Variants in IFRD1 observed in about 807,000 individuals in gnomAD.
The protein encoded by IFRD1 is interferon related developmental regulator 1.
A neutral mutation model predicts 52.9 loss-of-function variants in IFRD1; 35 were observed. That is an observed-to-expected ratio of 0.66 (90% CI 0.51 to 0.88). IFRD1 has a LOEUF of 0.88. IFRD1 is among the 40% of genes least tolerant of loss of function. The pLI, the probability that IFRD1 is intolerant of heterozygous loss-of-function variation, is 0.00. For synonymous variants in IFRD1, 184 were observed against 188.4 expected, an observed-to-expected ratio of 0.98 and a Z score of 0.19; for missense variants, 517 against 550.8, an observed-to-expected ratio of 0.94 and a Z score of 0.61.
chr7:112,450,940 C>G, intron 1 of IFRD1, 158 bp downstream of exon 1: 1 of 674,622 alleles, frequency 1.5e-6, no homozygotes, highest in Non-Finnish European at 2.6e-6. Flanking sequence ...CCAGCGTGCC[C>G]TGGGCGCTGC....
intron 1 of IFRD1, among the ~76,000 whole-genome samples, chr7:112,423,693 A>G (rs2708599): frequency 0.53 from 80,730 of 152,068 alleles, 24,178 homozygotes; most frequent in African/African-American, 0.82. Context: ...GATAGAGGGA[A>G]GGGAGGATGA....
intron 9 of IFRD1, among the ~76,000 whole-genome samples, chr7:112,469,998 C>T (rs992165097): frequency 1.3e-5 from 2 of 151,218 alleles, no homozygotes; most frequent in Admixed American, 6.6e-5. Flanking sequence ...CCCAGCTTCT[C>T]GGATGGGTCT....
intron 9 of IFRD1, 142 bp from the exon 10 acceptor site, chr7:112,472,077 C>T: frequency 1.2e-6 from 1 of 847,888 alleles, no homozygotes; most frequent in South Asian, 1.4e-5. Context: ...AGTTTGTCCA[C>T]ATCTCAGGTA....
intron 1 of IFRD1, among the ~76,000 whole-genome samples, chr7:112,429,889 T>C (rs1172780345): frequency 6.6e-6 from 1 of 152,238 alleles, no homozygotes; most frequent in Non-Finnish European, 1.5e-5. Context: ...AAAGTTGTTA[T>C]ATAAATAAAA....
At chr7:112,444,642 G>A (rs1794975439) in intron 1 of IFRD1, among the ~76,000 whole-genome samples, 1 of 152,150 alleles carries the variant, frequency 6.6e-6, no homozygotes, top group Admixed American at 6.5e-5. Flanking sequence ...GTCAACAACT[G>A]AATGTCCCCT....
rs1466791244 is a variant in IFRD1 at position 112,459,032 on chromosome 7, A to G, written c.567+14A>G. 4.4e-6 allele frequency: 7 copies of G among 1,605,338 alleles called. No individual in the cohort carries two copies. Among genetic ancestry groups the G allele is most frequent in the East Asian group, 2.2e-5 (1 of 44,844 alleles). ...GCTAGGCAAACTGTAAGTATAAGATATTTACATTTATAGATCTGTCTATTC... is the reference window on the plus strand; with the variant it reads ...GCTAGGCAAACTGTAAGTATAAGATGTTTACATTTATAGATCTGTCTATTC... On this transcript the variant is annotated intron_variant, in intron 5 of 11. Transcript: ENST00000403825.
At chr7:112,449,333 GATAATAA>G (rs1370159618), upstream of IFRD1, among the ~76,000 whole-genome samples, 1 of 152,152 alleles carries the variant, frequency 6.6e-6, no homozygotes, top group Non-Finnish European at 1.5e-5. Context: ...CATATGGGAG[GATAATAA>G]ATAGTACAGT....
intron 1 of IFRD1, among the ~76,000 whole-genome samples, chr7:112,432,634 A>G (rs937755915): frequency 6.6e-6 from 1 of 152,186 alleles, no homozygotes; most frequent in Non-Finnish European, 1.5e-5. Flanking sequence ...TAAATAACTT[A>G]CCCAAGATCA....
intron 5 of IFRD1, among the ~76,000 whole-genome samples, chr7:112,460,929 G>T (rs1795418425): frequency 6.6e-6 from 1 of 152,074 alleles, no homozygotes; most frequent in Admixed American, 6.6e-5. Flanking sequence ...ATTTTTATAT[G>T]GATTAATTTG....
At chr7:112,455,912 C>G (rs772837523) in intron 2 of IFRD1, 45 bp downstream of exon 2, 2 of 1,482,052 alleles carry the variant, frequency 1.3e-6, no homozygotes, top group Non-Finnish European at 9.4e-7. Context: ...TAAAATGTTT[C>G]AGGTGGAGGA....
intron 9 of IFRD1, 96 bp downstream of exon 9, chr7:112,468,211 C>T: frequency 7.5e-7 from 1 of 1,328,610 alleles, no homozygotes; most frequent in Non-Finnish European, 1.1e-6. Context: ...TTGAATTTCA[C>T]CTTTGAAAAT....
intron 4 of IFRD1, 78 bp downstream of exon 4, chr7:112,457,116 T>C: frequency 2.8e-6 from 4 of 1,443,184 alleles, no homozygotes; most frequent in African/African-American, 1.4e-5. Context: ...CATTTAGTAA[T>C]AGCACTGGAA....
In IFRD1 at chr7:112,472,438, A is replaced by T; in HGVS notation, c.1170+91A>T. Reference sequence around the variant, plus strand: ...AATTGGCTTTTGAAATTAATTAGGTATCCAGAGTGCTTCCACATGTTAGAA... The same window carrying T: ...AATTGGCTTTTGAAATTAATTAGGTTTCCAGAGTGCTTCCACATGTTAGAA... On this transcript the variant is annotated intron_variant, in intron 10 of 11. Transcript: ENST00000403825. 3 of 1,359,928 alleles carry T rather than the reference A, an allele frequency of 2.2e-6. No homozygotes were observed. The South Asian group carries it at 3.5e-5, about 16-fold the overall frequency. The allele number at this position is 1,359,928 out of a possible 1,614,324, so 84.2% of individuals were successfully genotyped here. A position where few individuals can be genotyped will look rare whatever the true frequency, so the allele number is the denominator to read the frequency against.
chr7:112,464,071 T>C (rs1795546786), intron 8 of IFRD1, among the ~76,000 whole-genome samples: 1 of 150,356 alleles, frequency 6.7e-6, no homozygotes, highest in Non-Finnish European at 1.5e-5. Flanking sequence ...GCTTTTTATA[T>C]GTGGGTGCTG....
At chr7:112,432,778 G>C (rs73717548) in intron 1 of IFRD1, among the ~76,000 whole-genome samples, 2,498 of 152,262 alleles carry the variant, frequency 0.016, 32 homozygotes, top group African/African-American at 0.029. Context: ...AGCACTGTAG[G>C]GGTTTATGGT....
chr7:112,472,705 C>A, intron 10 of IFRD1, 61 bp from the exon 11 acceptor site: 1 of 991,936 alleles, frequency 1.0e-6, no homozygotes, highest in South Asian at 1.3e-5. Context: ...GTCACTCTGT[C>A]TAGTGAAAAA....
upstream of IFRD1, chr7:112,450,404 A>G (rs1795121494): frequency 1.0e-5 from 5 of 477,646 alleles, no homozygotes; most frequent in South Asian, 4.1e-5. Flanking sequence ...CCCCGCCCAC[A>G]GAGTGACGTC....
intron 1 of IFRD1, among the ~76,000 whole-genome samples, chr7:112,451,683 C>A (rs1030230132): frequency 3.9e-5 from 6 of 152,052 alleles, no homozygotes; most frequent in African/African-American, 1.2e-4. Flanking sequence ...AAAAAGGATT[C>A]CAATTGGAAT....
intron 1 of IFRD1, among the ~76,000 whole-genome samples, chr7:112,431,958 T>A (rs1235738490): frequency 6.6e-6 from 1 of 152,228 alleles, no homozygotes; most frequent in Admixed American, 6.5e-5. Flanking sequence ...AATACATATT[T>A]ACTAAACAAA....
Sources: allele counts gnomAD v4.1 joint callset (sites outside exome capture counted in the v4.1 genomes callset), GRCh38; gene constraint gnomAD v4.1.1; transcripts MANE v1.5; gene names NCBI Gene and HGNC (gene_info 2026-07-23, HGNC 2026-07-21).